Variants in ANO2 observed in about 807,000 individuals in gnomAD.
ANO2 encodes the protein anoctamin 2, also known as anoctamin-2.
ANO2 carries 101 observed loss-of-function variants against 124.2 expected under a neutral mutation model. The ratio of observed to expected loss-of-function variants is 0.81; its 90% CI spans 0.69 to 0.96. The LOEUF (loss-of-function observed/expected upper bound fraction) is 0.96. Ranked by LOEUF, ANO2 falls within the 40% of genes least tolerant of loss-of-function variation. ANO2 has a pLI of 0.00. For missense variants in ANO2, 1,293 were observed against 1,274.5 expected (o/e 1.01, Z -0.22); for synonymous variants, 486 against 482.5 (o/e 1.01, Z -0.09).
At chr12:5,889,283 G>A (rs1025414075) in intron 3 of ANO2, among the ~76,000 whole-genome samples, 1 of 152,238 alleles carries the variant, frequency 6.6e-6, no homozygotes, top group African/African-American at 2.4e-5. Flanking sequence ...GGCCAGCCCA[G>A]GTAGGGGCTC....
intron 15 of ANO2, among the ~76,000 whole-genome samples, chr12:5,641,919 G>A (rs1228542619): frequency 1.3e-5 from 2 of 152,138 alleles, no homozygotes; most frequent in Non-Finnish European, 2.9e-5. Context: ...TTAGAACTTT[G>A]GCAAGATGAC....
chr12:5,750,374 A>G (rs1951399130), intron 11 of ANO2, among the ~76,000 whole-genome samples: 1 of 152,198 alleles, frequency 6.6e-6, no homozygotes, highest in Non-Finnish European at 1.5e-5. Context: ...CTTCCTCAGC[A>G]TTAGAGCTGC....
At chr12:5,625,702 G>A (rs1945364563) in intron 16 of ANO2, among the ~76,000 whole-genome samples, 1 of 152,114 alleles carries the variant, frequency 6.6e-6, no homozygotes, top group Non-Finnish European at 1.5e-5. Flanking sequence ...CAGCCTGGAG[G>A]AGTCAGCACC....
At chr12:5,692,035 G>A (rs943188968) in intron 14 of ANO2, among the ~76,000 whole-genome samples, 9 of 152,178 alleles carry the variant, frequency 5.9e-5, no homozygotes, top group African/African-American at 2.2e-4. Context: ...TTATGTGGGC[G>A]AGTGATGTGA....
intron 16 of ANO2, among the ~76,000 whole-genome samples, chr12:5,631,088 T>C (rs900843080): frequency 5.3e-5 from 8 of 152,180 alleles, no homozygotes; most frequent in African/African-American, 1.9e-4. Context: ...AGAACACAGA[T>C]GACTTTATGT....
chr12:5,705,217 T>TTA (rs1949562754), intron 14 of ANO2, among the ~76,000 whole-genome samples: 1 of 152,180 alleles, frequency 6.6e-6, no homozygotes, highest in African/African-American at 2.4e-5. Context: ...GGTAGTTAAC[T>TTA]TATAAACAAT....
chr12:5,703,764 G>T lies in ANO2; in HGVS notation c.1545+28756C>A, dbSNP rs1269823692. On this transcript the variant is annotated intron_variant, in intron 14 of 24. Coordinates refer to ENST00000682330, the MANE Select transcript of ANO2 (RefSeq NM_001364791.2). The stretch of plus-strand genomic sequence containing the variant: ...GGGTCTCCTTATGTTGCCCAGGCTG[G>T]TCTCAAAATCCCAGGCTCAGGCCAT... 3.3e-5 allele frequency among the ~76,000 whole-genome samples: 5 copies of T among 152,214 alleles called. No homozygotes were observed. In the East Asian group the frequency reaches 7.7e-4, roughly 24 times the overall value.
intron 14 of ANO2, among the ~76,000 whole-genome samples, chr12:5,652,474 C>G (rs1946959462): frequency 6.6e-6 from 1 of 152,040 alleles, no homozygotes; most frequent in Admixed American, 6.6e-5. Context: ...TAATAATGTA[C>G]CATTTATATT....
chr12:5,744,103 T>C, intron 12 of ANO2, 54 bp downstream of exon 12: 2 of 1,603,130 alleles, frequency 1.2e-6, no homozygotes, highest in Non-Finnish European at 1.7e-6. Flanking sequence ...GCTTGGTCAC[T>C]GTGCCCATGT....
intron 1 of ANO2, among the ~76,000 whole-genome samples, chr12:5,930,409 G>C (rs1236373485): frequency 1.3e-5 from 2 of 152,156 alleles, no homozygotes; most frequent in Admixed American, 6.5e-5. Flanking sequence ...ATAGGGGGAA[G>C]GCCAGCAGTG....
chr12:5,918,440 T>TC (rs1941503554), intron 3 of ANO2, among the ~76,000 whole-genome samples: 2 of 33,134 alleles, frequency 6.0e-5, no homozygotes, highest in Non-Finnish European at 7.1e-5. Context: ...ACTTGAATCT[T>TC]TTTTTTTTTT....
Position 5,612,975 on chromosome 12 carries a change from T to TGGGAAGAGTTAG in ANO2, c.1929-29_1929-18dup, listed in dbSNP as rs772396654. 1.2e-6 allele frequency: 2 copies of TGGGAAGAGTTAG among 1,613,484 alleles called. No homozygotes were observed. Among genetic ancestry groups the TGGGAAGAGTTAG allele is most frequent in the Non-Finnish European group, 1.7e-6 (2 of 1,179,652 alleles). On this transcript the variant is annotated splice_polypyrimidine_tract_variant and intron_variant, in intron 17 of 24. Coordinates refer to ENST00000682330, the MANE Select transcript of ANO2 (RefSeq NM_001364791.2). ...CCCACAAACCTGAAATCAAACAGTGTGGGAAGAGTTAGGGGAAGAGAAAGC... is the reference window on the plus strand; with the variant it reads ...CCCACAAACCTGAAATCAAACAGTGTGGGAAGAGTTAGGGGAAGAGTTAGGGGAAGAGAAAGC...
rs747060528 is a variant in ANO2 at position 5,563,476 on chromosome 12, T to G, written c.2820A>C (p.Leu940Phe). ...CCTCTTTCAGGAAGAAATCCACTAATAAGCTCTTCTCTTTCTTGATCTGGT... is the reference window on the plus strand; with the variant it reads ...CCTCTTTCAGGAAGAAATCCACTAAGAAGCTCTTCTCTTTCTTGATCTGGT... Reference protein sequence around the residue: ...ISDQIKKEKSLLVDFFLKEEH... With the variant: ...ISDQIKKEKSFLVDFFLKEEH... Residue 940 changes from leucine (L) to phenylalanine (F), a missense_variant, in exon 25 of 25, where the codon TTA becomes TTC. Coordinates refer to ENST00000682330, the MANE Select transcript of ANO2 (RefSeq NM_001364791.2). The G allele has an allele frequency of 1.2e-6, 2 of 1,613,846 alleles. No homozygotes were observed. The highest frequency in any genetic ancestry group is 3.3e-5 in the Admixed American group (2 of 60,004).
At chr12:5,703,436 T>C (rs1949483962) in intron 14 of ANO2, among the ~76,000 whole-genome samples, 1 of 152,198 alleles carries the variant, frequency 6.6e-6, no homozygotes, top group Non-Finnish European at 1.5e-5. Flanking sequence ...TCAATTATAT[T>C]TGTAACGGCA....
At chr12:5,719,760 A>C (rs1950154136) in intron 14 of ANO2, among the ~76,000 whole-genome samples, 1 of 152,186 alleles carries the variant, frequency 6.6e-6, no homozygotes, top group East Asian at 1.9e-4. Flanking sequence ...TGAGACACTC[A>C]CCCCTCATGC....
intron 10 of ANO2, among the ~76,000 whole-genome samples, chr12:5,762,834 A>C (rs985837082): frequency 1.4e-4 from 21 of 151,770 alleles, no homozygotes; most frequent in African/African-American, 5.1e-4. Context: ...GAGATAGCGA[A>C]AATTTTTTCT....
chr12:5,874,315 C>A (rs890720961), intron 3 of ANO2, among the ~76,000 whole-genome samples: 2 of 152,302 alleles, frequency 1.3e-5, no homozygotes, highest in East Asian at 3.9e-4. Context: ...AGGACTGAGA[C>A]CTAATCTGCC....
At chr12:5,568,286 C>T (rs1173117015) in intron 23 of ANO2, among the ~76,000 whole-genome samples, 5 of 151,910 alleles carry the variant, frequency 3.3e-5, no homozygotes, top group African/African-American at 9.7e-5. Flanking sequence ...GGACTACAGG[C>T]GCCCGCCACC....
At chr12:5,827,870 T>C (rs924621409) in intron 6 of ANO2, 50 bp from the exon 7 acceptor site, 2 of 1,574,214 alleles carry the variant, frequency 1.3e-6, no homozygotes, top group Non-Finnish European at 1.7e-6. Flanking sequence ...CCCCCCGCCC[T>C]CCACCGTGTG....
Sources: allele counts gnomAD v4.1 joint callset (sites outside exome capture counted in the v4.1 genomes callset), GRCh38; gene constraint gnomAD v4.1.1; transcripts MANE v1.5; gene names NCBI Gene and HGNC (gene_info 2026-07-23, HGNC 2026-07-21).